GRAMD1A: variants seen among roughly 807,000 people sequenced by gnomAD.
GRAMD1A encodes the protein GRAM domain containing 1A, also known as protein Aster-A.
In GRAMD1A, 50 loss-of-function variants were observed where a neutral mutation model predicts 92.0. The ratio of observed to expected loss-of-function variants is 0.54; its 90% CI spans 0.43 to 0.69. The LOEUF is 0.69. GRAMD1A is among the 30% of genes least tolerant of loss of function. GRAMD1A has a pLI of 0.00. For missense variants in GRAMD1A, 819 were observed against 978.9 expected, an observed-to-expected ratio of 0.84 and a Z score of 2.18; for synonymous variants, 405 against 403.6, an observed-to-expected ratio of 1.00 and a Z score of -0.04.
chr19:34,998,896 C>T (rs984522536), upstream of GRAMD1A, among the ~76,000 whole-genome samples: 2 of 110,490 alleles, frequency 1.8e-5, no homozygotes, highest in Non-Finnish European at 3.7e-5. Flanking sequence ...AGAAGAACAG[C>T]GGGTAGGCTG....
intron 11 of GRAMD1A, among the ~76,000 whole-genome samples, chr19:35,018,797 C>T (rs1206907772): frequency 6.6e-6 from 1 of 152,076 alleles, no homozygotes; most frequent in African/African-American, 2.4e-5. Context: ...CAAGGCCTAC[C>T]GCTCCAGTGG....
chr19:35,011,134 A>G (rs1469877489), intron 6 of GRAMD1A, among the ~76,000 whole-genome samples: 1 of 148,376 alleles, frequency 6.7e-6, no homozygotes, highest in Non-Finnish European at 1.5e-5. Flanking sequence ...TCAACTGACC[A>G]TTCTTAGTGG....
At chr19:35,016,395 G>A (rs2015633636) in intron 11 of GRAMD1A, among the ~76,000 whole-genome samples, 1 of 151,922 alleles carries the variant, frequency 6.6e-6, no homozygotes, top group African/African-American at 2.4e-5. Context: ...TCAGGAGTGT[G>A]AGACCAGCCA....
intron 11 of GRAMD1A, among the ~76,000 whole-genome samples, chr19:35,018,177 G>A (rs1055369860): frequency 7.9e-5 from 12 of 152,120 alleles, no homozygotes; most frequent in Middle Eastern, 3.4e-3. Flanking sequence ...TAGTAGAGAC[G>A]GGGTTTCACC....
intron 11 of GRAMD1A, among the ~76,000 whole-genome samples, chr19:35,017,825 C>G (rs1416252355): frequency 6.6e-6 from 1 of 152,102 alleles, no homozygotes; most frequent in East Asian, 1.9e-4. Flanking sequence ...TCACACCATG[C>G]CAGTAGTGTG....
Position 35,019,320 on chromosome 19 carries a change from TG to T in GRAMD1A, c.1332+15del. 6.2e-7 allele frequency: 1 copy of T among 1,611,926 alleles called. No homozygotes were observed. The highest frequency in any genetic ancestry group is 8.5e-7 in the Non-Finnish European group (1 of 1,178,814). ...GTGGTGGAGACACAGGTGGGCCAGG[TG>T]GGGCAGCCGAGTGGGTGGGGCAGCT... On this transcript the variant is annotated intron_variant, in intron 12 of 19. Coordinates refer to ENST00000317991, the MANE Select transcript of GRAMD1A (RefSeq NM_020895.5).
chr19:35,007,291 C>A (rs552035632), intron 1 of GRAMD1A, among the ~76,000 whole-genome samples: 1 of 152,176 alleles, frequency 6.6e-6, no homozygotes. Flanking sequence ...CGGTGGCTCA[C>A]GCCTGTAATC....
upstream of GRAMD1A, chr19:34,998,477 T>C (rs1291977492): frequency 6.6e-6 from 1 of 151,880 alleles, no homozygotes. Flanking sequence ...CTAATTTTTT[T>C]GTATTTTTGA....
rs548471809 is a variant in GRAMD1A, at chr19:35,006,113, AGC to A, written c.9-3005_9-3004del. 1.6e-4 allele frequency among the ~76,000 whole-genome samples: 25 copies of A among 152,302 alleles called. 1 individual carries two copies. The South Asian group carries it at 5.2e-3, about 32-fold the overall frequency. Reference sequence around the variant, plus strand: ...GATGCTGAGGCAGGTGGATTGCCTGAGCTCAGGAGTTCGAGACCAGCAACGTG... The same window carrying A: ...GATGCTGAGGCAGGTGGATTGCCTGATCAGGAGTTCGAGACCAGCAACGTG... On this transcript the variant is annotated intron_variant, in intron 1 of 19. Transcript: ENST00000317991.
rs1359463641 is a variant in GRAMD1A at position 35,026,172 on chromosome 19, T to C, written c.*31T>C. The C allele has an allele frequency of 9.4e-7, 1 of 1,064,222 alleles. No individual in the cohort carries two copies. The highest frequency in any genetic ancestry group is 1.5e-6 in the Non-Finnish European group (1 of 680,214). 65.9% of individuals were successfully genotyped at this position (1,064,222 alleles called of 1,614,324 possible). ...CCGGCCACGCAGCTGTTCCCCCACATGGACAGATGGACACACAGAGCCTCG... is the reference window on the plus strand; with the variant it reads ...CCGGCCACGCAGCTGTTCCCCCACACGGACAGATGGACACACAGAGCCTCG... On this transcript the variant is annotated 3_prime_UTR_variant, in exon 20 of 20. Coordinates refer to ENST00000317991, the MANE Select transcript of GRAMD1A (RefSeq NM_020895.5).
chr19:35,000,415 G>A lies in GRAMD1A; in HGVS notation c.-64G>A, dbSNP rs1213068977. On this transcript the variant is annotated 5_prime_UTR_variant, in exon 1 of 20. Coordinates refer to ENST00000317991, the MANE Select transcript of GRAMD1A (RefSeq NM_020895.5). This position sits in a 1 kb window ranked among gnomAD's most constrained non-coding sequence, Gnocchi z 4.9. ...GACGCCCAGCGCAGCCCAGCCCCGC[G>A]CAGCCCAGCCCTGCCCTGCCCTGCC... The A allele has an allele frequency of 1.9e-6, 1 of 528,250 alleles. No homozygotes were observed. The highest frequency in any genetic ancestry group is 2.4e-6 in the Non-Finnish European group (1 of 416,660). The allele number at this position is 528,250 out of a possible 1,614,324, so 32.7% of individuals were successfully genotyped here.
chr19:34,996,026 G>C, upstream of GRAMD1A: 1 of 1,533,526 alleles, frequency 6.5e-7, no homozygotes, highest in Non-Finnish European at 8.7e-7. Flanking sequence ...CCTCTCCATG[G>C]ATGATGTCCT....
chr19:34,995,874 C>A (rs1423802086), upstream of GRAMD1A: 5 of 645,944 alleles, frequency 7.7e-6, no homozygotes, highest in Admixed American at 3.0e-5. Context: ...TGAGCCACTG[C>A]GCCTGGTCCC....
upstream of GRAMD1A, among the ~76,000 whole-genome samples, chr19:34,995,597 T>TC (rs2014005753): frequency 7.2e-6 from 1 of 139,714 alleles, no homozygotes; most frequent in African/African-American, 2.5e-5. Flanking sequence ...TTTTTTTTTT[T>TC]CTGAGACAGG....
chr19:35,009,538 G>A, intron 3 of GRAMD1A, 95 bp downstream of exon 3: 1 of 1,279,986 alleles, frequency 7.8e-7, no homozygotes, highest in South Asian at 1.2e-5. Context: ...TGCGTGCTGA[G>A]ATGGAGTGGG....
rs2151733909 is a variant in GRAMD1A at position 35,021,680 on chromosome 19, C to A, written c.1580-11C>A. 6.2e-7 allele frequency: 1 copy of A among 1,614,140 alleles called. No homozygotes were observed. The highest frequency in any genetic ancestry group is 1.1e-5 in the South Asian group (1 of 91,088). On this transcript the variant is annotated splice_polypyrimidine_tract_variant and intron_variant, in intron 14 of 19. Transcript: ENST00000317991. This position sits in a 1 kb window ranked among gnomAD's most constrained non-coding sequence, Gnocchi z 5.3. The stretch of plus-strand genomic sequence containing the variant: ...GGTATGGACATCCAGAGCCCCCTCT[C>A]TTTTACGCAGAGCGAGAGCTCGCCA...
At chr19:35,014,080 C>T (rs975205147) in intron 9 of GRAMD1A, 109 bp from the exon 10 acceptor site, 1 of 1,060,058 alleles carries the variant, frequency 9.4e-7, no homozygotes, top group Admixed American at 1.9e-5. Context: ...TCGGTGCACA[C>T]ACCACCCCGG....
intron 1 of GRAMD1A, among the ~76,000 whole-genome samples, chr19:35,005,101 G>A (rs1202622684): frequency 2.0e-5 from 3 of 151,952 alleles, no homozygotes; most frequent in Non-Finnish European, 4.4e-5. Context: ...CGGGGAAGGA[G>A]GGCCGATCAC....
Position 35,000,550 on chromosome 19 carries a change from G to A in GRAMD1A, c.8+64G>A. On this transcript the variant is annotated intron_variant, in intron 1 of 19. Transcript: ENST00000317991. The surrounding 1 kb of genome is among the most constrained non-coding windows in gnomAD (Gnocchi z 4.9). The stretch of plus-strand genomic sequence containing the variant: ...CGGGGGAGGCCACCGGAGGGAGGGG[G>A]CGCCGCGGGCTTGGGGAGGGGGCGG... The A allele has an allele frequency of 2.5e-6, 3 of 1,210,826 alleles. No homozygotes were observed. Among genetic ancestry groups the A allele is most frequent in the Admixed American group, 4.3e-5 (1 of 23,528 alleles). 75.0% of individuals were successfully genotyped at this position (1,210,826 alleles called of 1,614,324 possible). A position where few individuals can be genotyped will look rare whatever the true frequency, so the allele number is the denominator to read the frequency against.
Sources: allele counts gnomAD v4.1 joint callset (sites outside exome capture counted in the v4.1 genomes callset), GRCh38; gene constraint gnomAD v4.1.1; non-coding constraint Gnocchi (gnomAD v3.1); transcripts MANE v1.5; gene names NCBI Gene and HGNC (gene_info 2026-07-23, HGNC 2026-07-21).